The following ENTREP2 variants were observed in gnomAD, a reference collection of about 807,000 sequenced individuals.
ENTREP2 encodes the protein protein ENTREP2.
the ENTREP2 span, among the ~76,000 whole-genome samples, chr15:29,520,589 A>G: frequency 6.6e-6 from 1 of 152,206 alleles, no homozygotes; most frequent in Non-Finnish European, 1.5e-5. Flanking sequence ...CTATAAAAAA[A>G]AAAAATTAGA....
chr15:29,215,577 A>AATATATATATATAT, the ENTREP2 span, among the ~76,000 whole-genome samples: 2 of 144,716 alleles, frequency 1.4e-5, no homozygotes, highest in African/African-American at 5.0e-5. Context: ...AAATATATAT[A>AATATATATATATAT]ATATATATAT....
the ENTREP2 span, among the ~76,000 whole-genome samples, chr15:29,468,248 T>C: frequency 6.6e-6 from 1 of 152,186 alleles, no homozygotes; most frequent in Non-Finnish European, 1.5e-5. Context: ...ATTCATTTTA[T>C]AAGCTGGTTC....
At chr15:29,439,360 G>A in the ENTREP2 span, among the ~76,000 whole-genome samples, 1 of 150,608 alleles carries the variant, frequency 6.6e-6, no homozygotes, top group African/African-American at 2.5e-5. Context: ...AGAAGATGAA[G>A]CAGGAGCCAA....
the ENTREP2 span, among the ~76,000 whole-genome samples, chr15:29,544,104 T>C: frequency 6.6e-6 from 1 of 152,150 alleles, no homozygotes; most frequent in South Asian, 2.1e-4. Flanking sequence ...TACATGTAAA[T>C]ATAAAAAATT....
At chr15:29,447,247 A>G in the ENTREP2 span, among the ~76,000 whole-genome samples, 64 of 152,312 alleles carry the variant, frequency 4.2e-4, no homozygotes, top group African/African-American at 1.5e-3. Flanking sequence ...AGCACAATGA[A>G]TCAAGAATGC....
chr15:29,650,273 G>A, the ENTREP2 span, among the ~76,000 whole-genome samples: 1 of 152,094 alleles, frequency 6.6e-6, no homozygotes, highest in African/African-American at 2.4e-5. Context: ...CAGTCATAAA[G>A]GGACTTGGTG....
chr15:29,578,304 T>C, the ENTREP2 span, among the ~76,000 whole-genome samples: 1 of 152,156 alleles, frequency 6.6e-6, no homozygotes. Flanking sequence ...CATGACCCAG[T>C]AGTTCCACTC....
chr15:29,474,899 T>C, the ENTREP2 span, among the ~76,000 whole-genome samples: 1 of 151,738 alleles, frequency 6.6e-6, no homozygotes, highest in Non-Finnish European at 1.5e-5. Context: ...ATGTCGTATC[T>C]TGCTCATTAC....
chr15:29,346,527 T>A, the ENTREP2 span, among the ~76,000 whole-genome samples: 1 of 152,218 alleles, frequency 6.6e-6, no homozygotes, highest in Non-Finnish European at 1.5e-5. Context: ...AAGTCAAGCC[T>A]GCTGGTTCCC....
the ENTREP2 span, among the ~76,000 whole-genome samples, chr15:29,207,909 A>AT: frequency 4.0e-5 from 6 of 151,804 alleles, no homozygotes; most frequent in Non-Finnish European, 5.9e-5. Flanking sequence ...TCACTGAGGG[A>AT]TCCCCCCAGC....
At chr15:29,575,219 C>T in the ENTREP2 span, among the ~76,000 whole-genome samples, 2 of 152,144 alleles carry the variant, frequency 1.3e-5, no homozygotes, top group African/African-American at 4.8e-5. Context: ...TGCCCAGAAA[C>T]CCCAATTCTG....
the ENTREP2 span, among the ~76,000 whole-genome samples, chr15:29,618,529 A>G: frequency 4.6e-5 from 7 of 152,162 alleles, no homozygotes; most frequent in Non-Finnish European, 8.8e-5. Context: ...TGAAGTTCTC[A>G]GCAGGTTGCC....
the ENTREP2 span, among the ~76,000 whole-genome samples, chr15:29,411,701 C>T: frequency 6.6e-6 from 1 of 152,144 alleles, no homozygotes; most frequent in Non-Finnish European, 1.5e-5. Flanking sequence ...TCAGCTTTGG[C>T]GTTTCTCTGT....
chr15:29,513,615 G>T, the ENTREP2 span, among the ~76,000 whole-genome samples: 1 of 152,182 alleles, frequency 6.6e-6, no homozygotes, highest in Non-Finnish European at 1.5e-5. Flanking sequence ...ATTTTAGCAA[G>T]ACTGTTAGAA....
chr15:29,612,379 T>G, the ENTREP2 span, among the ~76,000 whole-genome samples: 1 of 152,104 alleles, frequency 6.6e-6, no homozygotes, highest in Non-Finnish European at 1.5e-5. Flanking sequence ...TGAGTTTGGT[T>G]CTGGGCTGGA....
chr15:29,633,431 G>A, the ENTREP2 span, among the ~76,000 whole-genome samples: 9 of 151,854 alleles, frequency 5.9e-5, no homozygotes, highest in Non-Finnish European at 1.2e-4. Context: ...CAATTTACAT[G>A]TAGGAATATA....
the ENTREP2 span, among the ~76,000 whole-genome samples, chr15:29,288,935 C>G: frequency 1.3e-5 from 2 of 152,086 alleles, no homozygotes; most frequent in African/African-American, 4.8e-5. Context: ...GGGCGGGGTG[C>G]AGAGGCTCAC....
At chr15:29,359,646 C>T in the ENTREP2 span, among the ~76,000 whole-genome samples, 2 of 152,060 alleles carry the variant, frequency 1.3e-5, no homozygotes, top group South Asian at 2.1e-4. Context: ...CTCCTGACCT[C>T]GTGATCTGCC....
chr15:29,607,510 G>A, the ENTREP2 span, among the ~76,000 whole-genome samples: 2 of 151,850 alleles, frequency 1.3e-5, no homozygotes, highest in Non-Finnish European at 2.9e-5. Flanking sequence ...TCATTTCCAA[G>A]TTTCTCTAAT....
Sources: gnomAD v4.1 joint callset for allele counts (sites outside exome capture counted in the v4.1 genomes callset) on GRCh38, gnomAD v4.1.1 for gene constraint, MANE v1.5 for transcripts, NCBI Gene and HGNC (gene_info 2026-07-23, HGNC 2026-07-21) for gene names.